Variants in GPATCH2 observed in about 807,000 individuals in gnomAD.
GPATCH2 encodes the protein G patch domain-containing protein 2.
In GPATCH2, 51 loss-of-function variants were observed where a neutral mutation model predicts 58.0. The observed-to-expected ratio is 0.88, with a 90% CI of 0.70 to 1.11. The LOEUF is 1.11. Among genes scored for constraint, GPATCH2 ranks in the 50% most tolerant of loss-of-function variants. The pLI is 0.00. For missense variants in GPATCH2, 625 were observed against 652.2 expected (o/e 0.96, Z 0.45); for synonymous variants, 222 against 218.5 (o/e 1.02, Z -0.14).
intron 1 of GPATCH2, among the ~76,000 whole-genome samples, chr1:217,622,306 TG>T (rs1669225739): frequency 6.6e-6 from 1 of 152,208 alleles, no homozygotes; most frequent in Admixed American, 6.5e-5. Flanking sequence ...AACCCTGTAC[TG>T]GTTAGTAAAA....
intron 5 of GPATCH2, among the ~76,000 whole-genome samples, chr1:217,522,080 G>T (rs1455382134): frequency 6.6e-6 from 1 of 152,142 alleles, no homozygotes; most frequent in Non-Finnish European, 1.5e-5. Context: ...TTGTATGTAT[G>T]ACATTAGCAA....
intron 8 of GPATCH2, among the ~76,000 whole-genome samples, chr1:217,462,525 A>G (rs1021208783): frequency 6.6e-6 from 1 of 152,128 alleles, no homozygotes; most frequent in Non-Finnish European, 1.5e-5. Flanking sequence ...AAAAAAAGAC[A>G]CTGCTGTATA....
intron 6 of GPATCH2, among the ~76,000 whole-genome samples, chr1:217,502,448 T>A (rs1279380922): frequency 6.6e-6 from 1 of 152,102 alleles, no homozygotes; most frequent in African/African-American, 2.4e-5. Context: ...TTCTTCAAAA[T>A]GTATGAAGAA....
intron 5 of GPATCH2, among the ~76,000 whole-genome samples, chr1:217,578,767 T>A (rs1012001259): frequency 3.9e-5 from 6 of 152,238 alleles, no homozygotes; most frequent in African/African-American, 1.4e-4. Context: ...TAATGGCATA[T>A]CATGACAGAT....
At chr1:217,530,309 C>T (rs527912212) in intron 5 of GPATCH2, among the ~76,000 whole-genome samples, 17 of 152,198 alleles carry the variant, frequency 1.1e-4, no homozygotes, top group Admixed American at 1.1e-3. Flanking sequence ...AGTGTTATGA[C>T]TGTCTCAATT....
At chr1:217,483,263 C>A (rs914633381) in intron 8 of GPATCH2, among the ~76,000 whole-genome samples, 3 of 151,982 alleles carry the variant, frequency 2.0e-5, no homozygotes, top group Admixed American at 2.0e-4. Context: ...TGGCTCACTG[C>A]AACCTCTGCC....
chr1:217,572,970 G>A (rs936100730), intron 5 of GPATCH2, among the ~76,000 whole-genome samples: 3 of 152,164 alleles, frequency 2.0e-5, no homozygotes, highest in East Asian at 1.9e-4. Flanking sequence ...CTTAAGATAC[G>A]TTAGGACAAA....
At chr1:217,624,863 A>C (rs1669375047) in intron 1 of GPATCH2, among the ~76,000 whole-genome samples, 1 of 152,212 alleles carries the variant, frequency 6.6e-6, no homozygotes, top group African/African-American at 2.4e-5. Flanking sequence ...TCTTCTGGGA[A>C]CAGTTAATAT....
chr1:217,521,849 T>C (rs12142153), intron 5 of GPATCH2, among the ~76,000 whole-genome samples: 54,858 of 152,012 alleles, frequency 0.36, 10,773 homozygotes, highest in Non-Finnish European at 0.44. Flanking sequence ...TGTCTTTCTG[T>C]TGAGGATTTG....
chr1:217,449,223 C>T (rs1352402136), intron 9 of GPATCH2, 26 bp downstream of exon 9: 1 of 1,222,096 alleles, frequency 8.2e-7, no homozygotes, highest in South Asian at 1.2e-5. Context: ...CATTTGTGCT[C>T]CACTCTAACC....
chr1:217,624,787 T>G (rs1669371761), intron 1 of GPATCH2, among the ~76,000 whole-genome samples: 1 of 152,250 alleles, frequency 6.6e-6, no homozygotes, highest in Non-Finnish European at 1.5e-5. Context: ...TTAACTAATT[T>G]GAGATTTTTA....
chr1:217,561,467 G>C (rs990815244), intron 5 of GPATCH2, among the ~76,000 whole-genome samples: 2 of 152,166 alleles, frequency 1.3e-5, no homozygotes, highest in Non-Finnish European at 2.9e-5. Flanking sequence ...GTTTGTCATC[G>C]AGGTGTGTGT....
rs1374722454 is a variant in GPATCH2 at position 217,572,615 on chromosome 1, A to G, written c.1098+37706T>C. On this transcript the variant is annotated intron_variant, in intron 5 of 9. Coordinates refer to ENST00000366935, the MANE Select transcript of GPATCH2 (RefSeq NM_018040.5). Reference sequence around the variant, plus strand: ...CTAGCATAATTTGCCCAAGGCCCCAAAGTGAATACATTAAGAACCAGAATT... The same window carrying G: ...CTAGCATAATTTGCCCAAGGCCCCAGAGTGAATACATTAAGAACCAGAATT... Among the ~76,000 whole-genome samples the G allele has an allele frequency of 2.6e-5, 4 of 152,192 alleles. No homozygotes were observed. In the East Asian group the frequency reaches 7.7e-4, roughly 29 times the overall value.
intron 5 of GPATCH2, among the ~76,000 whole-genome samples, chr1:217,519,661 T>C (rs1663349627): frequency 6.6e-6 from 1 of 152,188 alleles, no homozygotes; most frequent in African/African-American, 2.4e-5. Context: ...TGGCTTACAC[T>C]GAAAGTAAAA....
Position 217,627,413 on chromosome 1 carries a change from G to A in GPATCH2, c.56+3503C>T, listed in dbSNP as rs139620737. On this transcript the variant is annotated intron_variant, in intron 1 of 9. Transcript: ENST00000366935. ...AAATTGCTGCATACAATTTCAGTAA[G>A]TTCATGGACTCCTTGAAGACTCTAT... Among the ~76,000 whole-genome samples the A allele has an allele frequency of 3.7e-4, 56 of 151,970 alleles. 1 individual carries two copies. The highest frequency in any genetic ancestry group is 1.3e-3 in the African/African-American group (53 of 41,472).
At chr1:217,516,695 T>G (rs939505876) in intron 5 of GPATCH2, among the ~76,000 whole-genome samples, 3 of 152,234 alleles carry the variant, frequency 2.0e-5, no homozygotes, top group Admixed American at 6.5e-5. Flanking sequence ...TACAGGCAAC[T>G]TATTTCCTTT....
rs1239771063 is a variant in GPATCH2, at chr1:217,524,608, C to T, written c.1099-9719G>A. 1.4e-4 allele frequency among the ~76,000 whole-genome samples: 21 copies of T among 151,800 alleles called. No individual in the cohort carries two copies. In the East Asian group the frequency reaches 4.0e-3, roughly 29 times the overall value. On this transcript the variant is annotated intron_variant, in intron 5 of 9. Transcript: ENST00000366935. ...GTGAAGGAGACTCCGTCTGCAATCC[C>T]GGCACCTCGGGAGGCCGAGGCTGGC...
At chr1:217,608,935 A>C in intron 5 of GPATCH2, 33 of 984,124 alleles carry the variant, frequency 3.4e-5, no homozygotes, top group Non-Finnish European at 4.0e-5. Flanking sequence ...TTCCTGTTTA[A>C]TGCATTTGCT....
chr1:217,492,681 C>G (rs1401295770), intron 7 of GPATCH2: 1 of 152,168 alleles, frequency 6.6e-6, no homozygotes, highest in Non-Finnish European at 1.5e-5. Context: ...CTTCTCTAAG[C>G]CTTGGTCTCC....
Sources: allele counts gnomAD v4.1 joint callset (sites outside exome capture counted in the v4.1 genomes callset), GRCh38; gene constraint gnomAD v4.1.1; transcripts MANE v1.5; gene names NCBI Gene and HGNC (gene_info 2026-07-23, HGNC 2026-07-21).